The following POLR3G variants were observed in gnomAD, a reference collection of about 807,000 sequenced individuals.
POLR3G encodes the protein RNA polymerase III subunit G, also known as DNA-directed RNA polymerase III subunit RPC7.
POLR3G carries 28 observed loss-of-function variants against 30.1 expected under a neutral mutation model. The ratio of observed to expected loss-of-function variants is 0.93; its 90% CI spans 0.69 to 1.27. POLR3G has a LOEUF of 1.27. Among genes scored for constraint, POLR3G ranks in the 50% most tolerant of loss-of-function variants. The pLI is 0.00. For synonymous variants in POLR3G, 79 were observed against 82.5 expected, an observed-to-expected ratio of 0.96 and a Z score of 0.23; for missense variants, 254 against 264.6, an observed-to-expected ratio of 0.96 and a Z score of 0.28.
At chr5:90,497,380 C>A (rs1294005522) in intron 4 of POLR3G, among the ~76,000 whole-genome samples, 1 of 152,110 alleles carries the variant, frequency 6.6e-6, no homozygotes, top group African/African-American at 2.4e-5. Context: ...ATAATTCCAA[C>A]ACCCACAAAT....
intron 7 of POLR3G, among the ~76,000 whole-genome samples, chr5:90,510,737 A>T (rs1045452656): frequency 6.6e-6 from 1 of 152,194 alleles, no homozygotes; most frequent in Non-Finnish European, 1.5e-5. Flanking sequence ...TCTTAGCTGA[A>T]TGCAGAAACT....
intron 6 of POLR3G, among the ~76,000 whole-genome samples, chr5:90,504,207 G>A (rs1008723493): frequency 6.6e-6 from 1 of 151,894 alleles, no homozygotes; most frequent in African/African-American, 2.4e-5. Flanking sequence ...ATTTGAGGTA[G>A]CAATAATAGA....
At position 90,488,096 on chromosome 5, in the gene POLR3G, C is replaced by A; in HGVS notation, c.214C>A (p.Pro72Thr). The A allele has an allele frequency of 1.9e-6, 3 of 1,610,640 alleles. No individual in the cohort carries two copies. Among genetic ancestry groups the A allele is most frequent in the Non-Finnish European group, 2.5e-6 (3 of 1,178,492 alleles). ...QELRETMKRM[P>T]YFIETPEERQ... ...GTTGAGAGAAACAATGAAAAGAATGCCTTATTTTATTGAAACACCTGAAGA... is the reference window on the plus strand; with the variant it reads ...GTTGAGAGAAACAATGAAAAGAATGACTTATTTTATTGAAACACCTGAAGA... The change falls in exon 3 of 8, where the codon CCT becomes ACT. Residue 72 changes from proline to threonine, a missense_variant. Transcript: ENST00000651687.
intron 2 of POLR3G, among the ~76,000 whole-genome samples, chr5:90,486,272 G>T (rs372247449): frequency 2.0e-5 from 3 of 152,094 alleles, no homozygotes; most frequent in South Asian, 4.1e-4. Context: ...TTTGCTCTTG[G>T]TATTTTACCT....
rs372727565 is a variant in POLR3G, at chr5:90,490,454, G to C, written c.247+2325G>C. On this transcript the variant is annotated intron_variant, in intron 3 of 7. Coordinates refer to ENST00000651687, the MANE Select transcript of POLR3G (RefSeq NM_006467.3). ...GCTCTGTCACCCAGGCTGGAGTGCA[G>C]TGGGACAATCATAACTCACTGCAGC... The C allele has an allele frequency of 8.3e-4, 159 of 190,676 alleles. 1 individual carries two copies. The highest frequency in any genetic ancestry group is 3.7e-3 in the African/African-American group (155 of 42,252). The allele number at this position is 190,676 out of a possible 1,614,324, so 11.8% of individuals were successfully genotyped here.
At chr5:90,484,428 T>A (rs748159272) in intron 1 of POLR3G, among the ~76,000 whole-genome samples, 28 of 152,160 alleles carry the variant, frequency 1.8e-4, no homozygotes, top group Non-Finnish European at 1.2e-4. Flanking sequence ...GTTTTCAGCC[T>A]TTTGGTCCAA....
At chr5:90,482,883 A>G (rs915967822) in intron 1 of POLR3G, among the ~76,000 whole-genome samples, 2 of 152,136 alleles carry the variant, frequency 1.3e-5, no homozygotes, top group African/African-American at 4.8e-5. Flanking sequence ...GCTCACAACT[A>G]TAATCCCAGA....
chr5:90,490,225 G>A (rs988969249), intron 3 of POLR3G, among the ~76,000 whole-genome samples: 1 of 151,378 alleles, frequency 6.6e-6, no homozygotes, highest in Admixed American at 6.6e-5. Context: ...TGGATTAAGG[G>A]GCACTTTATC....
intron 1 of POLR3G, among the ~76,000 whole-genome samples, chr5:90,478,004 G>A (rs1222560650): frequency 6.6e-6 from 1 of 152,212 alleles, no homozygotes; most frequent in African/African-American, 2.4e-5. Flanking sequence ...TGTCATAGCC[G>A]TAATGTGAAT....
At chr5:90,499,353 T>A (rs182798724) in intron 5 of POLR3G, among the ~76,000 whole-genome samples, 2 of 152,222 alleles carry the variant, frequency 1.3e-5, no homozygotes, top group East Asian at 3.9e-4. Flanking sequence ...CACAAGGTAG[T>A]CTGGTATTTC....
intron 1 of POLR3G, among the ~76,000 whole-genome samples, chr5:90,480,593 G>A (rs1327852956): frequency 1.3e-5 from 2 of 151,962 alleles, no homozygotes; most frequent in African/African-American, 2.4e-5. Flanking sequence ...CTTTTTTTAG[G>A]GTGAGTTTTC....
intron 1 of POLR3G, among the ~76,000 whole-genome samples, chr5:90,479,056 G>A (rs542621048): frequency 3.9e-5 from 6 of 152,106 alleles, no homozygotes; most frequent in Non-Finnish European, 8.8e-5. Flanking sequence ...CCTTCTGTGG[G>A]TAGATTTGCT....
chr5:90,490,401 T>G (rs1424412402), intron 3 of POLR3G, among the ~76,000 whole-genome samples: 1 of 151,664 alleles, frequency 6.6e-6, no homozygotes, highest in East Asian at 1.9e-4. Context: ...TTTTATTGTT[T>G]TATATTTTAT....
intron 6 of POLR3G, among the ~76,000 whole-genome samples, chr5:90,502,942 T>C (rs898447101): frequency 6.6e-6 from 1 of 152,206 alleles, no homozygotes; most frequent in Non-Finnish European, 1.5e-5. Flanking sequence ...TCATGTTAAG[T>C]ATGTCATTTC....
upstream of POLR3G, chr5:90,474,229 G>A (rs775895857): frequency 1.2e-6 from 2 of 1,613,302 alleles, no homozygotes; most frequent in African/African-American, 2.7e-5. Context: ...TCGTAGAAAC[G>A]TTCTTGAATC....
chr5:90,503,587 A>G (rs961082479), intron 6 of POLR3G, among the ~76,000 whole-genome samples: 1 of 152,220 alleles, frequency 6.6e-6, no homozygotes, highest in Admixed American at 6.5e-5. Flanking sequence ...TATTGTCTAC[A>G]TTTAAACACA....
intron 1 of POLR3G, among the ~76,000 whole-genome samples, chr5:90,484,551 A>G (rs1421847508): frequency 1.3e-5 from 2 of 152,222 alleles, no homozygotes; most frequent in African/African-American, 2.4e-5. Context: ...GAAGGGTAAC[A>G]TTAATGACCA....
At chr5:90,500,953 G>A (rs1011899292) in intron 5 of POLR3G, among the ~76,000 whole-genome samples, 8 of 152,018 alleles carry the variant, frequency 5.3e-5, no homozygotes, top group African/African-American at 1.9e-4. Flanking sequence ...CTGACTGGCA[G>A]AATTTATATG....
intron 7 of POLR3G, among the ~76,000 whole-genome samples, chr5:90,507,829 A>G (rs188224745): frequency 8.5e-5 from 13 of 152,130 alleles, no homozygotes; most frequent in Admixed American, 7.9e-4. Flanking sequence ...TCATGTTTTT[A>G]TTTCCATTGC....
Sources: gnomAD v4.1 joint callset for allele counts (sites outside exome capture counted in the v4.1 genomes callset) on GRCh38, gnomAD v4.1.1 for gene constraint, MANE v1.5 for transcripts, NCBI Gene and HGNC (gene_info 2026-07-23, HGNC 2026-07-21) for gene names.